Variants in EEFSEC observed in about 807,000 individuals in gnomAD.
The protein encoded by EEFSEC is selenocysteine-specific elongation factor.
EEFSEC carries 43 observed loss-of-function variants against 42.1 expected under a neutral mutation model. That is an observed-to-expected ratio of 1.02 (90% CI 0.80 to 1.32). The LOEUF (loss-of-function observed/expected upper bound fraction) is 1.32. Among genes scored for constraint, EEFSEC ranks in the 40% most tolerant of loss-of-function variants. EEFSEC has a pLI of 0.00. For synonymous variants in EEFSEC, 354 were observed against 339.1 expected, an observed-to-expected ratio of 1.04 and a Z score of -0.48; for missense variants, 745 against 803.6, an observed-to-expected ratio of 0.93 and a Z score of 0.88.
At chr3:128,225,036 T>G (rs1037562158) in intron 1 of EEFSEC, among the ~76,000 whole-genome samples, 2 of 152,230 alleles carry the variant, frequency 1.3e-5, no homozygotes, top group Non-Finnish European at 2.9e-5. Flanking sequence ...GCGAAGCATG[T>G]AACCTCAACC....
intron 2 of EEFSEC, among the ~76,000 whole-genome samples, chr3:128,252,560 A>C (rs2066198460): frequency 6.6e-6 from 1 of 152,118 alleles, no homozygotes; most frequent in African/African-American, 2.4e-5. Context: ...GTTTCCTAAG[A>C]GGTAGGTTTT....
intron 6 of EEFSEC, among the ~76,000 whole-genome samples, chr3:128,360,150 C>G (rs539708446): frequency 3.9e-5 from 6 of 152,362 alleles, no homozygotes; most frequent in African/African-American, 1.4e-4. Context: ...AAATTCTGTC[C>G]TGTCCTCCCC....
intron 1 of EEFSEC, 55 bp downstream of exon 1, chr3:128,153,878 G>A: frequency 2.1e-6 from 3 of 1,444,050 alleles, no homozygotes; most frequent in Non-Finnish European, 2.7e-6. Context: ...GAGCGACCGG[G>A]CCCCGTGTCC....
intron 1 of EEFSEC, among the ~76,000 whole-genome samples, chr3:128,239,288 T>G (rs546122856): frequency 6.6e-6 from 1 of 152,258 alleles, no homozygotes; most frequent in Non-Finnish European, 1.5e-5. Context: ...TATATGTGAG[T>G]CCTAAAGGAA....
At chr3:128,364,985 G>A (rs1201080060) in intron 6 of EEFSEC, among the ~76,000 whole-genome samples, 1 of 152,236 alleles carries the variant, frequency 6.6e-6, no homozygotes, top group East Asian at 1.9e-4. Context: ...CATACCTGCT[G>A]CTGAGGGCAG....
chr3:128,340,823 TC>T (rs2067241937), intron 4 of EEFSEC, among the ~76,000 whole-genome samples: 1 of 152,112 alleles, frequency 6.6e-6, no homozygotes, highest in Admixed American at 6.5e-5. Context: ...GGGAGGCCAT[TC>T]TTGGGGGAGG....
intron 4 of EEFSEC, among the ~76,000 whole-genome samples, chr3:128,279,869 C>T (rs2066507505): frequency 1.3e-5 from 2 of 152,206 alleles, no homozygotes; most frequent in Admixed American, 6.5e-5. Flanking sequence ...GAACATGGCA[C>T]GGGTGTTTAC....
At chr3:128,296,775 G>T (rs2066710646) in intron 4 of EEFSEC, among the ~76,000 whole-genome samples, 1 of 152,224 alleles carries the variant, frequency 6.6e-6, no homozygotes, top group Admixed American at 6.5e-5. Flanking sequence ...TGAAAGACAC[G>T]ATTTGGATTT....
chr3:128,189,036 G>C (rs138544217), intron 1 of EEFSEC, among the ~76,000 whole-genome samples: 40 of 152,302 alleles, frequency 2.6e-4, no homozygotes, highest in African/African-American at 7.2e-4. Flanking sequence ...CTTTACATGG[G>C]GGGGGCTCCC....
At chr3:128,400,621 G>C (rs2068038193) in intron 6 of EEFSEC, among the ~76,000 whole-genome samples, 1 of 152,254 alleles carries the variant, frequency 6.6e-6, no homozygotes, top group Non-Finnish European at 1.5e-5. Flanking sequence ...AAAGGGGCCA[G>C]TGACCCCAAG....
At chr3:128,291,386 T>A (rs914354875) in intron 4 of EEFSEC, among the ~76,000 whole-genome samples, 1 of 152,222 alleles carries the variant, frequency 6.6e-6, no homozygotes, top group Non-Finnish European at 1.5e-5. Flanking sequence ...TCCACCCTCA[T>A]GAATAGACTA....
At chr3:128,340,848 T>C (rs914241666) in intron 4 of EEFSEC, among the ~76,000 whole-genome samples, 1 of 152,094 alleles carries the variant, frequency 6.6e-6, no homozygotes, top group African/African-American at 2.4e-5. Context: ...CAGGCAAACC[T>C]GGACAGAGGG....
chr3:128,343,565 A>G (rs2107568020), intron 5 of EEFSEC, among the ~76,000 whole-genome samples: 1 of 152,306 alleles, frequency 6.6e-6, no homozygotes, highest in Non-Finnish European at 1.5e-5. Context: ...GTCTAGCCTG[A>G]TTTATTAGCA....
At chr3:128,363,823 G>A (rs756999654) in intron 6 of EEFSEC, among the ~76,000 whole-genome samples, 6 of 152,206 alleles carry the variant, frequency 3.9e-5, no homozygotes, top group East Asian at 1.9e-4. Context: ...CCAGGCCCAC[G>A]AGGGCCACTC....
rs577323878 is a variant in EEFSEC, at chr3:128,329,412, A to ACC, written c.787-11813_787-11812dup. ...ACGGAGATTAGTGCCACCCAGCCCC[A>ACC]CCCCCCCCCACCCCCGCTGATGCTC... On this transcript the variant is annotated intron_variant, in intron 4 of 6. Coordinates refer to ENST00000254730, the MANE Select transcript of EEFSEC (RefSeq NM_021937.5). 3.0e-3 allele frequency among the ~76,000 whole-genome samples: 414 copies of ACC among 137,844 alleles called. 1 individual carries two copies. The highest frequency in any genetic ancestry group is 9.0e-3 in the African/African-American group (342 of 38,170). 90.4% of individuals were successfully genotyped at this position (137,844 alleles called of 152,430 possible). A position where few individuals can be genotyped will look rare whatever the true frequency, so the allele number is the denominator to read the frequency against.
chr3:128,189,588 C>T (rs1266101359), intron 1 of EEFSEC, among the ~76,000 whole-genome samples: 1 of 143,034 alleles, frequency 7.0e-6, no homozygotes, highest in East Asian at 2.0e-4. Context: ...GAGCCAGGGT[C>T]TGGCTGTCTT....
chr3:128,377,971 C>T (rs1421569746), intron 6 of EEFSEC, among the ~76,000 whole-genome samples: 1 of 152,290 alleles, frequency 6.6e-6, no homozygotes, highest in Non-Finnish European at 1.5e-5. Flanking sequence ...TAAAGTCAAC[C>T]ATTTTGCCAT....
In EEFSEC at chr3:128,153,954, C is replaced by G. The variant is rs374614713; in HGVS notation, c.316+131C>G. ...CCTCATTGGTGGGGCTCCTGACGCCCCAAGAGGCGGACGTGACTTGCCTAG... is the reference window on the plus strand; with the variant it reads ...CCTCATTGGTGGGGCTCCTGACGCCGCAAGAGGCGGACGTGACTTGCCTAG... On this transcript the variant is annotated intron_variant, in intron 1 of 6. Coordinates refer to ENST00000254730, the MANE Select transcript of EEFSEC (RefSeq NM_021937.5). The G allele has an allele frequency of 2.4e-4, 315 of 1,316,160 alleles. 6 individuals carry two copies. In the South Asian group the frequency reaches 4.9e-3, roughly 20 times the overall value. The allele number at this position is 1,316,160 out of a possible 1,614,324, so 81.5% of individuals were successfully genotyped here. A position where few individuals can be genotyped will look rare whatever the true frequency, so the allele number is the denominator to read the frequency against.
At chr3:128,251,479 CTTAGTAGAAAATAGTGTT>C (rs1194715133) in intron 2 of EEFSEC, among the ~76,000 whole-genome samples, 2 of 152,106 alleles carry the variant, frequency 1.3e-5, no homozygotes, top group Non-Finnish European at 2.9e-5. Flanking sequence ...ATACTTGAAA[CTTAGTAGAAAATAGTGTT>C]TTAGTAGAAA....
Sources: allele counts gnomAD v4.1 joint callset (sites outside exome capture counted in the v4.1 genomes callset), GRCh38; gene constraint gnomAD v4.1.1; transcripts MANE v1.5; gene names NCBI Gene and HGNC (gene_info 2026-07-23, HGNC 2026-07-21).